Variants in METAP1 observed in about 807,000 individuals in gnomAD.
The protein encoded by METAP1 is methionine aminopeptidase 1.
A neutral mutation model predicts 53.8 loss-of-function variants in METAP1; 28 were observed. That is an observed-to-expected ratio of 0.52 (90% CI 0.39 to 0.71). The LOEUF (loss-of-function observed/expected upper bound fraction) is 0.71, where lower values mean the gene tolerates loss of function less well. Among genes scored for constraint, METAP1 ranks in the 30% least tolerant of loss-of-function variants. METAP1 has a pLI of 0.00. For synonymous variants in METAP1, 181 were observed against 165.7 expected, an observed-to-expected ratio of 1.09 and a Z score of -0.71; for missense variants, 389 against 479.8, an observed-to-expected ratio of 0.81 and a Z score of 1.77.
At chr4:99,060,649 C>T (rs1313386214) in intron 10 of METAP1, among the ~76,000 whole-genome samples, 1 of 152,148 alleles carries the variant, frequency 6.6e-6, no homozygotes, top group Non-Finnish European at 1.5e-5. Flanking sequence ...AGGCGTGTGC[C>T]ACCGCGCCTG....
intron 1 of METAP1, among the ~76,000 whole-genome samples, chr4:98,996,509 A>G (rs1047029675): frequency 1.9e-4 from 29 of 152,246 alleles, no homozygotes; most frequent in Non-Finnish European, 3.4e-4. Flanking sequence ...AGGTCTGTGT[A>G]ATTCATTCTT....
chr4:99,010,985 G>A (rs1353739804), intron 1 of METAP1, among the ~76,000 whole-genome samples: 1 of 150,990 alleles, frequency 6.6e-6, no homozygotes, highest in Admixed American at 6.6e-5. Context: ...TTAGTGTATA[G>A]AAATGCAACT....
rs1725997272 is a variant in METAP1 at position 99,043,143 on chromosome 4, T to C, written c.517-106T>C. 18 of 778,878 alleles carry C rather than the reference T, an allele frequency of 2.3e-5. 1 individual carries two copies. In the South Asian group the frequency reaches 3.1e-4, roughly 13 times the overall value. The allele number at this position is 778,878 out of a possible 1,614,324, so 48.2% of individuals were successfully genotyped here. ...CTAAAATAAAATACTGAGTTCTTCA[T>C]AGTAGCATGTGTCCAACTGTTTTCA... On this transcript the variant is annotated intron_variant, in intron 6 of 10. Coordinates refer to ENST00000296411, the MANE Select transcript of METAP1 (RefSeq NM_015143.3).
chr4:99,061,198 A>G lies in METAP1; in HGVS notation c.1042A>G (p.Thr348Ala). 6.2e-7 allele frequency: 1 copy of G among 1,613,934 alleles called. No homozygotes were observed. Among genetic ancestry groups the G allele is most frequent in the Non-Finnish European group, 8.5e-7 (1 of 1,179,852 alleles). Reference sequence around the variant, plus strand: ...CTGGCCAGATGGTTGGACTGCGGTGACAAGAGACGGAAAGCGGTCTGCTCA... The same window carrying G: ...CTGGCCAGATGGTTGGACTGCGGTGGCAAGAGACGGAAAGCGGTCTGCTCA... ...ETWPDGWTAV[T>A]RDGKRSAQFE... The change falls in exon 11 of 11, where the codon ACA becomes GCA. Residue 348 changes from threonine (T) to alanine (A), a missense_variant. Coordinates refer to ENST00000296411, the MANE Select transcript of METAP1 (RefSeq NM_015143.3).
chr4:99,039,046 T>C (rs1725654348), intron 4 of METAP1, among the ~76,000 whole-genome samples: 1 of 152,160 alleles, frequency 6.6e-6, no homozygotes, highest in Admixed American at 6.5e-5. Context: ...AATTTGTAAA[T>C]TCTGTGGTAC....
rs990229708 is a variant in METAP1, at chr4:99,045,240, A to G, written c.717A>G (p.Gly239=). ...HGDLNETFFV[G]EVDDGARKLV... The stretch of plus-strand genomic sequence containing the variant: ...ACCTGAATGAGACATTTTTTGTTGG[A>G]GAAGTGGATGATGGAGCACGGAAAC... Residue 239 remains glycine, a synonymous_variant, in exon 8 of 11, where the codon GGA becomes GGG. Coordinates refer to ENST00000296411, the MANE Select transcript of METAP1 (RefSeq NM_015143.3). 38 of 1,613,576 alleles carry G rather than the reference A, an allele frequency of 2.4e-5. No homozygotes were observed. Among genetic ancestry groups the G allele is most frequent in the Non-Finnish European group, 3.1e-5 (36 of 1,179,754 alleles).
chr4:99,057,648 T>G (rs1727249872), intron 9 of METAP1, 105 bp from the exon 10 acceptor site: 1 of 802,814 alleles, frequency 1.2e-6, no homozygotes, highest in Non-Finnish European at 2.0e-6. Context: ...GTAATTAATT[T>G]AACAATCACT....
At chr4:99,048,466 C>T (rs1726436512) in intron 8 of METAP1, among the ~76,000 whole-genome samples, 1 of 152,090 alleles carries the variant, frequency 6.6e-6, no homozygotes, top group Non-Finnish European at 1.5e-5. Flanking sequence ...CTCCCGGGTT[C>T]TAGTGATCCT....
intron 9 of METAP1, among the ~76,000 whole-genome samples, chr4:99,050,871 C>G (rs1726643538): frequency 6.6e-6 from 1 of 152,134 alleles, no homozygotes; most frequent in Admixed American, 6.5e-5. Context: ...CAAAACCGGT[C>G]CCTAGTGCAA....
chr4:99,053,550 G>A (rs889414098), intron 9 of METAP1, among the ~76,000 whole-genome samples: 3 of 152,200 alleles, frequency 2.0e-5, no homozygotes, highest in Non-Finnish European at 4.4e-5. Flanking sequence ...ACCACACCCA[G>A]CCTACAAAGT....
intron 1 of METAP1, among the ~76,000 whole-genome samples, chr4:99,015,709 G>T (rs1387361383): frequency 2.6e-5 from 4 of 152,162 alleles, no homozygotes; most frequent in African/African-American, 9.7e-5. Flanking sequence ...CCAGGACATA[G>T]ATATTTTTCT....
intron 10 of METAP1, 72 bp from the exon 11 acceptor site, chr4:99,061,082 C>T: frequency 2.7e-6 from 4 of 1,496,874 alleles, no homozygotes; most frequent in Admixed American, 4.2e-5. Context: ...TGAATTTTTT[C>T]CTTGGCTTTC....
intron 8 of METAP1, among the ~76,000 whole-genome samples, chr4:99,045,884 A>G (rs1303753267): frequency 6.6e-6 from 1 of 152,248 alleles, no homozygotes; most frequent in Non-Finnish European, 1.5e-5. Context: ...TTTTCAAGTT[A>G]GCATATATAC....
At chr4:99,054,345 C>T (rs1726942512) in intron 9 of METAP1, among the ~76,000 whole-genome samples, 1 of 152,202 alleles carries the variant, frequency 6.6e-6, no homozygotes, top group African/African-American at 2.4e-5. Context: ...GAACCAACCT[C>T]TGCTAGCTTT....
At chr4:99,021,139 C>T (rs149276403) in intron 1 of METAP1, among the ~76,000 whole-genome samples, 1 of 152,246 alleles carries the variant, frequency 6.6e-6, no homozygotes, top group African/African-American at 2.4e-5. Context: ...TTCTCAGTTC[C>T]CTGGAGATAA....
intron 4 of METAP1, chr4:99,035,894 T>TG (rs2110350041): frequency 6.5e-6 from 1 of 154,928 alleles, no homozygotes; most frequent in Non-Finnish European, 1.4e-5. Context: ...ATGAGAATGA[T>TG]ATGATGATGA....
intron 1 of METAP1, among the ~76,000 whole-genome samples, chr4:99,012,557 G>C (rs1052292893): frequency 6.6e-6 from 1 of 151,280 alleles, no homozygotes. Flanking sequence ...TTACAGGCAT[G>C]AGCCACCACA....
rs115090640 is a variant in METAP1 at position 99,006,804 on chromosome 4, A to G, written c.114+10937A>G. ...TTAGAATAGTCCTCATCTTATTTTC[A>G]TGATACTAGCTTCTTGAAGAGGCTA... On this transcript the variant is annotated intron_variant, in intron 1 of 10. Coordinates refer to ENST00000296411, the MANE Select transcript of METAP1 (RefSeq NM_015143.3). Among the ~76,000 whole-genome samples, 1,093 of 152,188 alleles carry G rather than the reference A, an allele frequency of 7.2e-3. 9 individuals carry two copies. The highest frequency in any genetic ancestry group is 0.025 in the African/African-American group (1,034 of 41,514).
intron 4 of METAP1, chr4:99,036,164 A>T (rs1181092737): frequency 6.5e-6 from 1 of 154,058 alleles, no homozygotes; most frequent in Non-Finnish European, 1.5e-5. Context: ...CTGATTTTGC[A>T]TGTCAAAGAA....
Sources: gnomAD v4.1 joint callset for allele counts (sites outside exome capture counted in the v4.1 genomes callset) on GRCh38, gnomAD v4.1.1 for gene constraint, MANE v1.5 for transcripts, NCBI Gene and HGNC (gene_info 2026-07-23, HGNC 2026-07-21) for gene names.